BORCS5: variants seen among roughly 807,000 people sequenced by gnomAD.
The protein encoded by BORCS5 is BLOC-1 related complex subunit 5, also known as BLOC-1-related complex subunit 5.
BORCS5 carries 17 observed loss-of-function variants against 22.1 expected under a neutral mutation model. The ratio of observed to expected loss-of-function variants is 0.77; its 90% CI spans 0.53 to 1.15. The LOEUF is 1.15. Ranked by LOEUF, BORCS5 falls within the 50% of genes most tolerant of loss-of-function variation. The pLI is 0.00. For missense variants in BORCS5, 247 were observed against 253.2 expected, an observed-to-expected ratio of 0.98 and a Z score of 0.17; for synonymous variants, 117 against 99.8, an observed-to-expected ratio of 1.17 and a Z score of -1.03.
At chr12:12,431,882 TG>T (rs113115900) in intron 2 of BORCS5, among the ~76,000 whole-genome samples, 1,881 of 151,104 alleles carry the variant, frequency 0.012, 28 homozygotes, top group South Asian at 0.028. Flanking sequence ...TTAGTAGAGA[TG>T]GGGTTTCACC....
intron 2 of BORCS5, among the ~76,000 whole-genome samples, chr12:12,401,292 G>A (rs1032170373): frequency 6.6e-6 from 1 of 151,946 alleles, no homozygotes; most frequent in Non-Finnish European, 1.5e-5. Context: ...TAGAGTTCCT[G>A]TTGTTCCACA....
At chr12:12,456,101 A>G (rs576252103) in intron 3 of BORCS5, among the ~76,000 whole-genome samples, 3 of 152,284 alleles carry the variant, frequency 2.0e-5, no homozygotes, top group African/African-American at 7.2e-5. Flanking sequence ...GTATGTCACT[A>G]ATTTGGAAAA....
chr12:12,436,919 A>C (rs572479189), intron 3 of BORCS5, among the ~76,000 whole-genome samples: 2 of 152,344 alleles, frequency 1.3e-5, no homozygotes, highest in South Asian at 4.1e-4. Flanking sequence ...CAAATATTAT[A>C]AACTTATTTT....
chr12:12,438,385 A>AAAAAAAAAAAAAACACAC (rs1555156048), intron 3 of BORCS5, among the ~76,000 whole-genome samples: 1 of 126,112 alleles, frequency 7.9e-6, no homozygotes, highest in African/African-American at 3.3e-5. Context: ...AAAAAACGAA[A>AAAAAAAAAAAAAACACAC]AACAACAACA....
intron 2 of BORCS5, among the ~76,000 whole-genome samples, chr12:12,411,622 A>G (rs1318829611): frequency 6.6e-6 from 1 of 152,046 alleles, no homozygotes; most frequent in African/African-American, 2.4e-5. Flanking sequence ...TCATTGTCCA[A>G]TCTATCTTTT....
At chr12:12,404,517 A>C (rs563011836) in intron 2 of BORCS5, among the ~76,000 whole-genome samples, 2 of 152,278 alleles carry the variant, frequency 1.3e-5, no homozygotes, top group African/African-American at 4.8e-5. Context: ...AGGAGCCCTC[A>C]TGGCCTAACC....
chr12:12,404,993 G>A (rs1342393307), intron 2 of BORCS5, among the ~76,000 whole-genome samples: 1 of 152,244 alleles, frequency 6.6e-6, no homozygotes, highest in Admixed American at 6.5e-5. Context: ...GAGCCACCGC[G>A]CCCGGCCAGA....
chr12:12,392,355 A>G lies in BORCS5; in HGVS notation c.202+31006A>G, dbSNP rs184454488. On this transcript the variant is annotated intron_variant, in intron 2 of 3. Transcript: ENST00000314565. ...ATCTCCAAAGTCTGTGCTTTTTCCT[A>G]TCATGCCACACTGCCCCTCTGCACT... 2.6e-5 allele frequency among the ~76,000 whole-genome samples: 4 copies of G among 152,140 alleles called. No homozygotes were observed. The South Asian group carries it at 6.2e-4, about 24-fold the overall frequency.
intron 2 of BORCS5, among the ~76,000 whole-genome samples, chr12:12,385,961 C>T (rs1036838117): frequency 6.7e-6 from 1 of 149,540 alleles, no homozygotes; most frequent in African/African-American, 2.5e-5. Context: ...TGTTGATCTC[C>T]TCATTTGGAT....
chr12:12,415,145 G>T (rs1941900163), intron 2 of BORCS5, among the ~76,000 whole-genome samples: 1 of 151,696 alleles, frequency 6.6e-6, no homozygotes, highest in Admixed American at 6.6e-5. Context: ...CCCAGACGGG[G>T]TGGCGGCTGG....
rs867296529 is a variant in BORCS5 at position 12,370,577 on chromosome 12, A to G, written c.202+9228A>G. On this transcript the variant is annotated intron_variant, in intron 2 of 3. Coordinates refer to ENST00000314565, the MANE Select transcript of BORCS5 (RefSeq NM_058169.6). ...TTCTACATTTATTAGTTTATATTCT[A>G]TTGGAAGGAATAGGTTTCTCATCTC... 5.9e-5 allele frequency among the ~76,000 whole-genome samples: 9 copies of G among 152,286 alleles called. No homozygotes were observed. The Middle Eastern group carries it at 0.014, about 230-fold the overall frequency.
intron 2 of BORCS5, among the ~76,000 whole-genome samples, chr12:12,384,353 TTTTC>T (rs917548354): frequency 6.7e-6 from 1 of 150,268 alleles, no homozygotes; most frequent in African/African-American, 2.5e-5. Context: ...ATTGTTATAT[TTTTC>T]TTTCTTTTAT....
At chr12:12,440,269 G>A (rs1440751974) in intron 3 of BORCS5, among the ~76,000 whole-genome samples, 1 of 152,228 alleles carries the variant, frequency 6.6e-6, no homozygotes, top group Non-Finnish European at 1.5e-5. Context: ...ATGTGAGGGA[G>A]AAGAACGGAG....
rs16908098 is a variant in BORCS5, at chr12:12,455,876, A to G, written c.361-9670A>G. Among the ~76,000 whole-genome samples, 1,016 of 152,286 alleles carry G rather than the reference A, an allele frequency of 6.7e-3. 6 individuals carry two copies. Among genetic ancestry groups the G allele is most frequent in the Non-Finnish European group, 0.012 (810 of 68,024 alleles). ...TTAAGTATTTTGGGGATAGAAAAAT[A>G]AGTCTATTGATCATATGGATGTGAA... On this transcript the variant is annotated intron_variant, in intron 3 of 3. Coordinates refer to ENST00000314565, the MANE Select transcript of BORCS5 (RefSeq NM_058169.6).
rs528248046 is a variant in BORCS5 at position 12,386,221 on chromosome 12, G to A, written c.202+24872G>A. On this transcript the variant is annotated intron_variant, in intron 2 of 3. Transcript: ENST00000314565. ...TCGCCACGTTGGCTAGGCTGGTCAT[G>A]GACTCCTTGCCTCAAGTGATCCACC... is the stretch of plus-strand genomic sequence containing the variant. 5.4e-4 allele frequency among the ~76,000 whole-genome samples: 81 copies of A among 150,606 alleles called. 3 individuals carry two copies. In the South Asian group the frequency reaches 0.012, roughly 22 times the overall value.
rs200102658 is a variant in BORCS5 at position 12,375,667 on chromosome 12, A to AT, written c.202+14324dup. ...CATAGGTATTTAATAACGTTTAAAT[A>AT]TTTTTTCCATCAAAATTCAGTTTCA... On this transcript the variant is annotated intron_variant, in intron 2 of 3. Coordinates refer to ENST00000314565, the MANE Select transcript of BORCS5 (RefSeq NM_058169.6). 7.0e-3 allele frequency among the ~76,000 whole-genome samples: 1,068 copies of AT among 152,228 alleles called. 12 individuals carry two copies. The highest frequency in any genetic ancestry group is 0.027 in the Middle Eastern group (8 of 294).
In BORCS5 at chr12:12,409,060, A is replaced by G. The variant is rs79305526; in HGVS notation, c.203-26568A>G. Among the ~76,000 whole-genome samples the G allele has an allele frequency of 1.9e-3, 295 of 151,946 alleles. 2 individuals are homozygous for G. Among genetic ancestry groups the G allele is most frequent in the African/African-American group, 6.8e-3 (282 of 41,492 alleles). On this transcript the variant is annotated intron_variant, in intron 2 of 3. Transcript: ENST00000314565. ...GCTATACCATGTTACGTCTCCACCA[A>G]TAGTGAGTAAGGGTTCTACATCTTT...
chr12:12,417,211 C>G (rs1941989656), intron 2 of BORCS5, among the ~76,000 whole-genome samples: 1 of 151,726 alleles, frequency 6.6e-6, no homozygotes, highest in Non-Finnish European at 1.5e-5. Flanking sequence ...TTTGTGTTTT[C>G]TTCATTGATC....
chr12:12,415,554 A>AGG (rs1941917697), intron 2 of BORCS5, among the ~76,000 whole-genome samples: 5 of 3,644 alleles, frequency 1.4e-3, no homozygotes, highest in Non-Finnish European at 2.5e-3. Flanking sequence ...GAGACCGTGG[A>AGG]GAGAGGGGGA....
Sources: gnomAD v4.1 joint callset for allele counts (sites outside exome capture counted in the v4.1 genomes callset) on GRCh38, gnomAD v4.1.1 for gene constraint, MANE v1.5 for transcripts, NCBI Gene and HGNC (gene_info 2026-07-23, HGNC 2026-07-21) for gene names.